Variants in FLYWCH1 observed in about 807,000 individuals in gnomAD.
The protein encoded by FLYWCH1 is FLYWCH-type zinc finger 1.
Under a neutral mutation model 66.4 loss-of-function variants are expected in FLYWCH1, and 75 were observed. That is an observed-to-expected ratio of 1.13 (90% CI 0.94 to 1.37). The LOEUF is 1.37. FLYWCH1 is among the 40% of genes most tolerant of loss of function. FLYWCH1 has a pLI of 0.00. For missense variants in FLYWCH1, 1,334 were observed against 1,001.8 expected (o/e 1.33, Z -4.48); for synonymous variants, 595 against 429.9 (o/e 1.38, Z -4.75).
intron 9 of FLYWCH1, among the ~76,000 whole-genome samples, chr16:2,942,966 T>C (rs2071334933): frequency 6.6e-6 from 1 of 151,796 alleles, no homozygotes; most frequent in Non-Finnish European, 1.5e-5. Flanking sequence ...ACTCCTAAAG[T>C]GCTGGGATTA....
At chr16:2,941,716 A>C (rs566794192) in intron 9 of FLYWCH1, among the ~76,000 whole-genome samples, 1 of 151,760 alleles carries the variant, frequency 6.6e-6, no homozygotes, top group Non-Finnish European at 1.5e-5. Context: ...AAAAAATAGA[A>C]AAACTAAAAA....
rs764947565 is a variant in FLYWCH1 at position 2,929,657 on chromosome 16, G to T, written c.-29G>T. ...AGGTTCCTTGCTGGGTGCTGAGCGT[G>T]GCCTGAGGGACAGGCCCTGGGTCCC... On this transcript the variant is annotated 5_prime_UTR_variant, in exon 3 of 10. Transcript: ENST00000253928. 15 of 1,595,574 alleles carry T rather than the reference G, an allele frequency of 9.4e-6. No homozygotes were observed. In the South Asian group the frequency reaches 1.5e-4, roughly 16 times the overall value.
chr16:2,912,935 A>C (rs997484086), intron 1 of FLYWCH1: 1 of 152,176 alleles, frequency 6.6e-6, no homozygotes, highest in Admixed American at 6.5e-5. Context: ...CCAAGGGCCA[A>C]TATGATTTCC....
intron 2 of FLYWCH1, among the ~76,000 whole-genome samples, chr16:2,925,579 G>GT (rs1204737502): frequency 3.0e-5 from 4 of 133,750 alleles, no homozygotes; most frequent in Non-Finnish European, 4.9e-5. Context: ...AGTTGCGGGG[G>GT]GAGGGGGGTA....
chr16:2,919,021 C>T (rs1360240458), intron 2 of FLYWCH1, among the ~76,000 whole-genome samples: 1 of 151,764 alleles, frequency 6.6e-6, no homozygotes. Flanking sequence ...GATCTCGGCT[C>T]ACTGCAACCT....
At chr16:2,945,516 C>T (rs1395198637) in intron 9 of FLYWCH1, among the ~76,000 whole-genome samples, 1 of 144,950 alleles carries the variant, frequency 6.9e-6, no homozygotes, top group East Asian at 2.1e-4. Flanking sequence ...ATTAGCCAGG[C>T]ATGGTGGCAC....
chr16:2,916,376 C>T (rs1003441780), intron 2 of FLYWCH1, among the ~76,000 whole-genome samples: 1 of 151,752 alleles, frequency 6.6e-6, no homozygotes, highest in African/African-American at 2.4e-5. Context: ...TGGCTCACGC[C>T]TGTAATCCCA....
At chr16:2,931,575 C>T (rs974828478) in intron 4 of FLYWCH1, among the ~76,000 whole-genome samples, 4 of 151,922 alleles carry the variant, frequency 2.6e-5, no homozygotes, top group Non-Finnish European at 5.9e-5. Flanking sequence ...GGGATCACGC[C>T]ACTGCCCTCC....
intron 4 of FLYWCH1, among the ~76,000 whole-genome samples, chr16:2,932,593 C>G (rs931918753): frequency 1.2e-4 from 18 of 152,168 alleles, no homozygotes; most frequent in African/African-American, 3.9e-4. Context: ...GCCCTGGGCA[C>G]CTGGGGTGGG....
intron 2 of FLYWCH1, among the ~76,000 whole-genome samples, chr16:2,925,880 C>T (rs1236555888): frequency 6.6e-6 from 1 of 152,104 alleles, no homozygotes; most frequent in Non-Finnish European, 1.5e-5. Flanking sequence ...GAATGTGGGG[C>T]CCCAGGCCAG....
At position 2,948,747 on chromosome 16, in the gene FLYWCH1, C is replaced by G; in HGVS notation, c.*20C>G. 1 of 1,613,410 alleles carries G rather than the reference C, an allele frequency of 6.2e-7. No homozygotes were observed. Among genetic ancestry groups the G allele is most frequent in the Non-Finnish European group, 8.5e-7 (1 of 1,179,466 alleles). ...CAGTGAGGCGATGTGGGCAGAGGAG[C>G]TCCGAGCCGCCCACCCAAGGTGGCT... On this transcript the variant is annotated 3_prime_UTR_variant, in exon 10 of 10. Transcript: ENST00000253928.
intron 2 of FLYWCH1, among the ~76,000 whole-genome samples, chr16:2,917,477 T>C (rs922166532): frequency 3.0e-4 from 45 of 151,746 alleles, no homozygotes; most frequent in Non-Finnish European, 5.6e-4. Context: ...GATCCGCCCA[T>C]CTCAGCCTCC....
chr16:2,939,916 G>C (rs539053088), intron 8 of FLYWCH1, 116 bp from the exon 9 acceptor site: 1 of 1,236,992 alleles, frequency 8.1e-7, no homozygotes, highest in Non-Finnish European at 1.1e-6. Flanking sequence ...TGCTTCACCC[G>C]GTTGTCTTTC....
At chr16:2,938,607 G>GTTTTTTTTTTTTTTTTTTTT (rs35169451) in intron 8 of FLYWCH1, among the ~76,000 whole-genome samples, 151 bp downstream of exon 8, 1 of 129,174 alleles carries the variant, frequency 7.7e-6, no homozygotes, top group Non-Finnish European at 1.6e-5. Context: ...ACCAGTCTTT[G>GTTTTTTTTTTTTTTTTTTTT]TTTTTTTTTT....
rs527941025 is a variant in FLYWCH1 at position 2,950,887 on chromosome 16, C to G, written c.*2160C>G. On this transcript the variant is annotated 3_prime_UTR_variant, in exon 10 of 10. Transcript: ENST00000253928. Reference sequence around the variant, plus strand: ...CCACCAACCCGCACCCTGGTGGCCACTCAGCCATGACAAGGGCCTGACAGC... The same window carrying G: ...CCACCAACCCGCACCCTGGTGGCCAGTCAGCCATGACAAGGGCCTGACAGC... The G allele has an allele frequency of 5.9e-5, 9 of 152,286 alleles. No homozygotes were observed. Among genetic ancestry groups the G allele is most frequent in the Non-Finnish European group, 8.8e-5 (6 of 68,056 alleles). 9.4% of individuals were successfully genotyped at this position (152,286 alleles called of 1,614,324 possible). A position where few individuals can be genotyped will look rare whatever the true frequency, so the allele number is the denominator to read the frequency against.
At chr16:2,932,613 G>A (rs903684501) in intron 4 of FLYWCH1, among the ~76,000 whole-genome samples, 2 of 152,198 alleles carry the variant, frequency 1.3e-5, no homozygotes, top group African/African-American at 4.8e-5. Flanking sequence ...GAAGGGAGGT[G>A]CAGGGAACAG....
chr16:2,931,828 G>T (rs1190548425), intron 4 of FLYWCH1, among the ~76,000 whole-genome samples: 1 of 151,710 alleles, frequency 6.6e-6, no homozygotes, highest in Admixed American at 6.6e-5. Flanking sequence ...AACTAGCCTG[G>T]CGAGGCTGGG....
intron 4 of FLYWCH1, 48 bp downstream of exon 4, chr16:2,930,928 C>T (rs532256884): frequency 1.9e-5 from 27 of 1,422,506 alleles, no homozygotes; most frequent in Admixed American, 9.3e-5. Flanking sequence ...GCAGGGGACC[C>T]GAGGGCCCTT....
At chr16:2,940,120 A>T in intron 9 of FLYWCH1, 28 bp downstream of exon 9, 1 of 1,020,248 alleles carries the variant, frequency 9.8e-7, no homozygotes, top group Non-Finnish European at 1.6e-6. Context: ...CTAATGGTGC[A>T]TGACCAATTA....
Sources: allele counts gnomAD v4.1 joint callset (sites outside exome capture counted in the v4.1 genomes callset), GRCh38; gene constraint gnomAD v4.1.1; transcripts MANE v1.5; gene names NCBI Gene and HGNC (gene_info 2026-07-23, HGNC 2026-07-21).